Variants in PLCB4 observed in about 807,000 individuals in gnomAD.
The protein encoded by PLCB4 is 1-phosphatidylinositol 4,5-bisphosphate phosphodiesterase beta-4.
In PLCB4, 77 loss-of-function variants were observed where a neutral mutation model predicts 178.8. That is an observed-to-expected ratio of 0.43 (90% CI 0.36 to 0.52). The LOEUF (loss-of-function observed/expected upper bound fraction) is 0.52, where lower values mean the gene tolerates loss of function less well. Ranked by LOEUF, PLCB4 falls within the 20% of genes least tolerant of loss-of-function variation. The probability of loss-of-function intolerance (pLI) is 0.00; values close to 1 mark genes in which losing one functional copy is unlikely to be tolerated. For missense variants in PLCB4, 1,024 were observed against 1,453.4 expected (o/e 0.70, Z 4.80); for synonymous variants, 496 against 490.8 (o/e 1.01, Z -0.14).
chr20:9,448,620 CTT>C (rs11379188), intron 32 of PLCB4, among the ~76,000 whole-genome samples: 31,584 of 144,420 alleles, frequency 0.22, 3,730 homozygotes, highest in East Asian at 0.37. Context: ...TATGCACAGA[CTT>C]TTTTTTTTTT....
chr20:9,132,346 A>G (rs1487876286), intron 2 of PLCB4, among the ~76,000 whole-genome samples: 1 of 151,970 alleles, frequency 6.6e-6, no homozygotes, highest in Non-Finnish European at 1.5e-5. Flanking sequence ...TACCTTTGCA[A>G]CTGAATGTCA....
chr20:9,234,369 C>G (rs775835852), intron 3 of PLCB4, among the ~76,000 whole-genome samples: 1 of 152,018 alleles, frequency 6.6e-6, no homozygotes, highest in Non-Finnish European at 1.5e-5. Context: ...ATAGAGACAG[C>G]CTCTAAAGCT....
chr20:9,099,655 C>T (rs1305389145), intron 2 of PLCB4, among the ~76,000 whole-genome samples: 1 of 151,964 alleles, frequency 6.6e-6, no homozygotes, highest in African/African-American at 2.4e-5. Flanking sequence ...GTAGTACCAA[C>T]ACCACAAAGC....
intron 9 of PLCB4, 54 bp downstream of exon 9, chr20:9,365,568 C>A (rs1253412303): frequency 3.8e-6 from 4 of 1,046,818 alleles, no homozygotes; most frequent in East Asian, 4.8e-5. Flanking sequence ...CTTGTCATCC[C>A]AAACCAAAGA....
chr20:9,321,952 C>CT (rs746419205), intron 4 of PLCB4, among the ~76,000 whole-genome samples: 6,064 of 140,036 alleles, frequency 0.043, 208 homozygotes, highest in Non-Finnish European at 0.065. Flanking sequence ...TTTTCTTTTT[C>CT]TTTTTTTTTT....
chr20:9,107,498 CAT>C (rs2091410236), intron 2 of PLCB4, among the ~76,000 whole-genome samples: 1 of 152,106 alleles, frequency 6.6e-6, no homozygotes, highest in Non-Finnish European at 1.5e-5. Flanking sequence ...GGAAGGATTA[CAT>C]GTCATCTGTG....
At position 9,117,717 on chromosome 20, in the gene PLCB4, G is replaced by C. The variant is rs182160477; in HGVS notation, c.-79+21375G>C. On this transcript the variant is annotated intron_variant, in intron 2 of 39. Transcript: ENST00000378473. ...CGGCTACACTGGCCTTCTTGCTGTT[G>C]CTGAAACTTGCTTACCTTATTCCTA... 5.2e-3 allele frequency among the ~76,000 whole-genome samples: 786 copies of C among 152,186 alleles called. 24 individuals carry two copies. The highest frequency in any genetic ancestry group is 2.5e-3 in the Non-Finnish European group (173 of 68,010).
At chr20:9,218,250 G>C (rs1238967254) in intron 3 of PLCB4, among the ~76,000 whole-genome samples, 4 of 152,100 alleles carry the variant, frequency 2.6e-5, no homozygotes, top group Non-Finnish European at 4.4e-5. Flanking sequence ...AGCATTACAG[G>C]TGCATGCCAC....
chr20:9,312,780 G>A (rs1011680931), intron 4 of PLCB4, among the ~76,000 whole-genome samples: 10 of 152,140 alleles, frequency 6.6e-5, no homozygotes, highest in East Asian at 1.9e-4. Context: ...AGAATTTTAC[G>A]TAGGAAAGGA....
intron 28 of PLCB4, among the ~76,000 whole-genome samples, chr20:9,432,342 A>C (rs1006400857): frequency 3.3e-5 from 5 of 152,180 alleles, no homozygotes; most frequent in Non-Finnish European, 5.9e-5. Flanking sequence ...TTCCTATGGA[A>C]AAGACTACCA....
chr20:9,115,587 C>T (rs1373787930), intron 2 of PLCB4, among the ~76,000 whole-genome samples: 1 of 114,822 alleles, frequency 8.7e-6, no homozygotes, highest in African/African-American at 3.4e-5. Flanking sequence ...CCTCCCCCCA[C>T]CCCACAACAG....
chr20:9,330,761 G>A (rs777709529), intron 4 of PLCB4, among the ~76,000 whole-genome samples: 6 of 152,200 alleles, frequency 3.9e-5, no homozygotes, highest in Admixed American at 1.3e-4. Flanking sequence ...CATGGTGAAC[G>A]TATTGGGCAG....
chr20:9,424,849 A>T (rs1470451856), intron 28 of PLCB4, among the ~76,000 whole-genome samples: 2 of 152,168 alleles, frequency 1.3e-5, no homozygotes, highest in Non-Finnish European at 2.9e-5. Flanking sequence ...ACTGGAACAC[A>T]TCACTATTTT....
intron 2 of PLCB4, among the ~76,000 whole-genome samples, chr20:9,149,579 A>G (rs941964933): frequency 1.7e-4 from 26 of 151,666 alleles, no homozygotes; most frequent in African/African-American, 5.1e-4. Context: ...TTCATTGGAC[A>G]TAACAATGGA....
intron 2 of PLCB4, among the ~76,000 whole-genome samples, chr20:9,171,052 C>T (rs2093055827): frequency 6.6e-6 from 1 of 152,200 alleles, no homozygotes; most frequent in Admixed American, 6.5e-5. Context: ...CAAATCACTA[C>T]TTCAGTGGAA....
chr20:9,102,088 G>A (rs1207801032), intron 2 of PLCB4, among the ~76,000 whole-genome samples: 4 of 152,016 alleles, frequency 2.6e-5, no homozygotes, highest in Non-Finnish European at 5.9e-5. Flanking sequence ...CAGGTCATCT[G>A]CCTGCCTCAG....
intron 17 of PLCB4, among the ~76,000 whole-genome samples, chr20:9,392,191 G>A (rs1230302964): frequency 6.6e-6 from 1 of 152,164 alleles, no homozygotes; most frequent in Non-Finnish European, 1.5e-5. Flanking sequence ...CAGGTTCTTG[G>A]CATCTTGAAC....
chr20:9,468,925 A>G (rs1168522126), intron 36 of PLCB4, among the ~76,000 whole-genome samples: 1 of 152,224 alleles, frequency 6.6e-6, no homozygotes, highest in Non-Finnish European at 1.5e-5. Context: ...CTTTACAAAC[A>G]AAGTTGCATA....
chr20:9,378,350 C>T (rs2036852212), intron 12 of PLCB4, among the ~76,000 whole-genome samples: 1 of 152,188 alleles, frequency 6.6e-6, no homozygotes. Context: ...CCTTTTTCAT[C>T]CTTTATCCAT....
Sources: allele counts gnomAD v4.1 joint callset (sites outside exome capture counted in the v4.1 genomes callset), GRCh38; gene constraint gnomAD v4.1.1; transcripts MANE v1.5; gene names NCBI Gene and HGNC (gene_info 2026-07-23, HGNC 2026-07-21).